The following CMIP variants were observed in gnomAD, a reference collection of about 807,000 sequenced individuals.
The protein encoded by CMIP is C-Maf-inducing protein.
A neutral mutation model predicts 97.3 loss-of-function variants in CMIP; 13 were observed. That is an observed-to-expected ratio of 0.13 (90% CI 0.09 to 0.21). The LOEUF is 0.21. CMIP is among the 10% of genes least tolerant of loss of function. CMIP has a pLI of 1.00. For synonymous variants in CMIP, 538 were observed against 436.3 expected (o/e 1.23, Z -2.91); for missense variants, 847 against 1,024.9 (o/e 0.83, Z 2.37).
intron 1 of CMIP, among the ~76,000 whole-genome samples, chr16:81,475,002 C>G (rs1328922451): frequency 6.6e-6 from 1 of 152,202 alleles, no homozygotes; most frequent in Non-Finnish European, 1.5e-5. Flanking sequence ...CCTTCAGCAA[C>G]ATGGAGTTTA....
chr16:81,506,208 C>T (rs2150784758), intron 1 of CMIP, among the ~76,000 whole-genome samples: 1 of 152,274 alleles, frequency 6.6e-6, no homozygotes, highest in African/African-American at 2.4e-5. Flanking sequence ...TAGTTAGAAA[C>T]TGGCGAAGCT....
chr16:81,609,801 T>C (rs1319834469), intron 2 of CMIP, among the ~76,000 whole-genome samples: 1 of 152,084 alleles, frequency 6.6e-6, no homozygotes, highest in African/African-American at 2.4e-5. Context: ...TTGCTGCAGC[T>C]GGAGGAGATG....
rs561797459 is a variant in CMIP at position 81,494,325 on chromosome 16, T to A, written c.300+48784T>A. Among the ~76,000 whole-genome samples, 16 of 152,284 alleles carry A rather than the reference T, an allele frequency of 1.1e-4. No homozygotes were observed. In the South Asian group the frequency reaches 3.1e-3, roughly 30 times the overall value. On this transcript the variant is annotated intron_variant, in intron 1 of 20. Coordinates refer to ENST00000537098, the MANE Select transcript of CMIP (RefSeq NM_198390.3). Reference sequence around the variant, plus strand: ...AGCCAGCTGCAGGTGTTTCCAGGCATGTGCTGGGAATGGAGCAGATGCGGG... The same window carrying A: ...AGCCAGCTGCAGGTGTTTCCAGGCAAGTGCTGGGAATGGAGCAGATGCGGG...
At chr16:81,558,560 AG>A (rs2090814673) in intron 1 of CMIP, among the ~76,000 whole-genome samples, 1 of 152,198 alleles carries the variant, frequency 6.6e-6, no homozygotes, top group Admixed American at 6.5e-5. Flanking sequence ...GAGATGACCT[AG>A]CCCCAAATGT....
intron 1 of CMIP, among the ~76,000 whole-genome samples, chr16:81,556,774 G>T (rs942140350): frequency 6.6e-6 from 1 of 152,196 alleles, no homozygotes; most frequent in Non-Finnish European, 1.5e-5. Context: ...ACACACAATT[G>T]TACATCACGT....
intron 2 of CMIP, among the ~76,000 whole-genome samples, chr16:81,608,665 C>T (rs1335245388): frequency 6.6e-6 from 1 of 152,028 alleles, no homozygotes; most frequent in Non-Finnish European, 1.5e-5. Flanking sequence ...CGGTGAGGTG[C>T]GTCCACCAAG....
intron 1 of CMIP, among the ~76,000 whole-genome samples, chr16:81,507,731 TAACCAGGAGA>T (rs1162615534): frequency 6.6e-6 from 1 of 152,212 alleles, no homozygotes; most frequent in Non-Finnish European, 1.5e-5. Context: ...TCATTAAGAT[TAACCAGGAGA>T]CCTGAGTGGA....
chr16:81,460,063 T>C (rs1453072003), intron 1 of CMIP, among the ~76,000 whole-genome samples: 1 of 152,102 alleles, frequency 6.6e-6, no homozygotes, highest in Non-Finnish European at 1.5e-5. Context: ...CCACAAGGCC[T>C]CACCATGGAG....
chr16:81,605,940 C>T (rs2091736808), intron 1 of CMIP, among the ~76,000 whole-genome samples: 1 of 152,186 alleles, frequency 6.6e-6, no homozygotes, highest in African/African-American at 2.4e-5. Context: ...ATCTTTTGTA[C>T]TTTTTGAGCC....
intron 1 of CMIP, among the ~76,000 whole-genome samples, chr16:81,524,095 C>T (rs182158887): frequency 1.3e-5 from 2 of 152,340 alleles, no homozygotes; most frequent in Admixed American, 1.3e-4. Context: ...GGGTTCCATG[C>T]GGAACCCTCT....
chr16:81,693,463 G>A lies in CMIP; in HGVS notation c.1506G>A (p.Arg502=). ...GGGAACTGAAGTACGTGATTCAGAG[G>A]TTCGCCGAAGACCCCAGGCAAGAGG... ...FTKELKYVIQ[R]FAEDPRQEVH... Residue 502 remains arginine, a synonymous_variant, in exon 13 of 21, where the codon AGG becomes AGA. Coordinates refer to ENST00000537098, the MANE Select transcript of CMIP (RefSeq NM_198390.3). 1 of 1,612,618 alleles carries A rather than the reference G, an allele frequency of 6.2e-7. No homozygotes were observed.
chr16:81,536,085 G>C (rs566216957), intron 1 of CMIP, among the ~76,000 whole-genome samples: 2 of 152,186 alleles, frequency 1.3e-5, no homozygotes, highest in Middle Eastern at 3.4e-3. Flanking sequence ...AGCATCCCCC[G>C]ACCCCTGGCT....
At chr16:81,545,331 A>G (rs146126763) in intron 1 of CMIP, among the ~76,000 whole-genome samples, 1 of 152,356 alleles carries the variant, frequency 6.6e-6, no homozygotes, top group Non-Finnish European at 1.5e-5. Flanking sequence ...AGCGCCTAGC[A>G]TGGTGCCTGG....
At chr16:81,612,742 A>T (rs756112438) in intron 2 of CMIP, among the ~76,000 whole-genome samples, 4 of 152,154 alleles carry the variant, frequency 2.6e-5, no homozygotes, top group Non-Finnish European at 5.9e-5. Flanking sequence ...GAAGCCTGGA[A>T]CCAGCTGCCC....
intron 8 of CMIP, among the ~76,000 whole-genome samples, chr16:81,670,964 G>T (rs1158736565): frequency 2.6e-5 from 4 of 152,130 alleles, no homozygotes; most frequent in Non-Finnish European, 4.4e-5. Flanking sequence ...AAGTAGCTGG[G>T]ATTACAGGCA....
At chr16:81,524,986 G>A (rs2090102039) in intron 1 of CMIP, among the ~76,000 whole-genome samples, 1 of 151,754 alleles carries the variant, frequency 6.6e-6, no homozygotes, top group Non-Finnish European at 1.5e-5. Context: ...AGTAGAGATG[G>A]GGTTACACCA....
In CMIP at chr16:81,657,812, T is replaced by C. The variant is rs200093095; in HGVS notation, c.677T>C (p.Ile226Thr). 15 of 1,606,332 alleles carry C rather than the reference T, an allele frequency of 9.3e-6. No homozygotes were observed. The highest frequency in any genetic ancestry group is 1.1e-5 in the South Asian group (1 of 89,306). Residue 226 changes from isoleucine to threonine, a missense_variant, in exon 5 of 21, where the codon ATT becomes ACT. Physicochemically the swap from Ile to Thr is moderately conservative, Grantham distance 89. Coordinates refer to ENST00000537098, the MANE Select transcript of CMIP (RefSeq NM_198390.3). ...ACCACCCAGGAGCATGAAAACATCA[T>C]TGTGGTAAGTTCCTCTCGAACACGC... ...NLTTQEHENI[I>T]VAIAPLLENN...
intron 1 of CMIP, among the ~76,000 whole-genome samples, chr16:81,599,380 G>C (rs16955612): frequency 6.6e-6 from 1 of 152,116 alleles, no homozygotes; most frequent in South Asian, 2.1e-4. Flanking sequence ...ATGACTTTCC[G>C]TTTGTGAGAT....
At chr16:81,479,042 A>C (rs1041123446) in intron 1 of CMIP, among the ~76,000 whole-genome samples, 2 of 152,114 alleles carry the variant, frequency 1.3e-5, no homozygotes, top group East Asian at 3.9e-4. Context: ...CAGGCACTCG[A>C]GTGGGAAGTG....
Sources: gnomAD v4.1 joint callset for allele counts (sites outside exome capture counted in the v4.1 genomes callset) on GRCh38, gnomAD v4.1.1 for gene constraint, MANE v1.5 for transcripts, NCBI Gene and HGNC (gene_info 2026-07-23, HGNC 2026-07-21) for gene names.